SLC17A1: variants seen among roughly 807,000 people sequenced by gnomAD.
SLC17A1 encodes solute carrier family 17 member 1.
A neutral mutation model predicts 53.5 loss-of-function variants in SLC17A1; 51 were observed. That is an observed-to-expected ratio of 0.95 (90% CI 0.76 to 1.20). The LOEUF (loss-of-function observed/expected upper bound fraction) is 1.20, where lower values mean the gene tolerates loss of function less well. Among genes scored for constraint, SLC17A1 ranks in the 50% most tolerant of loss-of-function variants. The pLI, the probability that SLC17A1 is intolerant of heterozygous loss-of-function variation, is 0.00. For synonymous variants in SLC17A1, 179 were observed against 198.8 expected, an observed-to-expected ratio of 0.90 and a Z score of 0.84; for missense variants, 538 against 568.2, an observed-to-expected ratio of 0.95 and a Z score of 0.54.
At chr6:25,771,349 G>A in the SLC17A1 span, among the ~76,000 whole-genome samples, 4 of 152,258 alleles carry the variant, frequency 2.6e-5, no homozygotes, top group South Asian at 8.3e-4. Flanking sequence ...TGAGGCAGGT[G>A]GATCACATGA....
the SLC17A1 span, among the ~76,000 whole-genome samples, chr6:25,741,415 CAA>C: frequency 0.31 from 25,469 of 82,574 alleles, 3,710 homozygotes; most frequent in East Asian, 0.67. Context: ...ACTAAGAATC[CAA>C]AAAAAAAAAA....
At chr6:25,730,927 A>G in the SLC17A1 span, among the ~76,000 whole-genome samples, 37 of 152,332 alleles carry the variant, frequency 2.4e-4, no homozygotes, top group Middle Eastern at 3.4e-3. Flanking sequence ...TAAAATTACC[A>G]TATCTTGAGA....
At chr6:25,727,052 G>A in the SLC17A1 span, 1 of 1,614,242 alleles carries the variant, frequency 6.2e-7, no homozygotes, top group Non-Finnish European at 8.5e-7. Context: ...AAGTGCTAAA[G>A]CAGGTCCATC....
At position 25,829,716 on chromosome 6, in the gene SLC17A1, G is replaced by A. The variant is rs12525203; in HGVS notation, c.34+808C>T. Among the ~76,000 whole-genome samples the A allele has an allele frequency of 5.1e-3, 778 of 152,116 alleles. 25 individuals are homozygous for A. Among genetic ancestry groups the A allele is most frequent in the East Asian group, 0.037 (191 of 5,168 alleles). On this transcript the variant is annotated intron_variant, in intron 2 of 12. Coordinates refer to ENST00000244527, the MANE Select transcript of SLC17A1 (RefSeq NM_005074.5). ...TTTGGGATTGAGTAATAAGAATACC[G>A]CATATCAAACTCATGGACAGAGTAA...
chr6:25,779,096 G>A (rs1471361235), downstream of SLC17A1: 2 of 1,613,786 alleles, frequency 1.2e-6, no homozygotes, highest in Non-Finnish European at 1.7e-6. Flanking sequence ...GCTTTCAGCT[G>A]CTGTTAACAT....
chr6:25,785,634 A>T (rs533865453), intron 12 of SLC17A1, among the ~76,000 whole-genome samples: 1 of 152,176 alleles, frequency 6.6e-6, no homozygotes, highest in African/African-American at 2.4e-5. Context: ...ATAACCCAAC[A>T]TCAAAAGACA....
At chr6:25,814,544 G>A (rs1252786414) in intron 6 of SLC17A1, among the ~76,000 whole-genome samples, 1 of 152,146 alleles carries the variant, frequency 6.6e-6, no homozygotes, top group East Asian at 1.9e-4. Context: ...AGGCTGGGGT[G>A]CTGGAAATAA....
chr6:25,786,583 T>C (rs1041913023), intron 12 of SLC17A1, among the ~76,000 whole-genome samples: 1 of 152,022 alleles, frequency 6.6e-6, no homozygotes, highest in Non-Finnish European at 1.5e-5. Flanking sequence ...AGTGGATCTG[T>C]GATGCCAAGG....
chr6:25,813,086 G>C lies in SLC17A1; in HGVS notation c.735+9C>G. The C allele has an allele frequency of 3.7e-6, 6 of 1,609,952 alleles. No individual in the cohort carries two copies. The highest frequency in any genetic ancestry group is 5.1e-6 in the Non-Finnish European group (6 of 1,176,216). On this transcript the variant is annotated intron_variant, in intron 7 of 12. Coordinates refer to ENST00000244527, the MANE Select transcript of SLC17A1 (RefSeq NM_005074.5). ...CTGGGAGATGCCAATATGGAGAACTGTGTTCTACCTGCTGGACCAGGGAGG... is the reference window on the plus strand; with the variant it reads ...CTGGGAGATGCCAATATGGAGAACTCTGTTCTACCTGCTGGACCAGGGAGG...
At chr6:25,723,911 C>T in the SLC17A1 span, among the ~76,000 whole-genome samples, 1 of 152,160 alleles carries the variant, frequency 6.6e-6, no homozygotes, top group Non-Finnish European at 1.5e-5. Context: ...TATGATTTTT[C>T]TGCCTACCTG....
the SLC17A1 span, among the ~76,000 whole-genome samples, chr6:25,742,135 G>A: frequency 6.6e-6 from 1 of 152,124 alleles, no homozygotes; most frequent in Non-Finnish European, 1.5e-5. Flanking sequence ...AAGCCTCTGG[G>A]CAACCACTCC....
chr6:25,756,023 C>T, the SLC17A1 span, among the ~76,000 whole-genome samples: 1 of 152,284 alleles, frequency 6.6e-6, no homozygotes. Context: ...AGCCCATCCA[C>T]CATCAACACT....
At chr6:25,724,957 T>C in the SLC17A1 span, among the ~76,000 whole-genome samples, 3 of 151,870 alleles carry the variant, frequency 2.0e-5, no homozygotes, top group Non-Finnish European at 4.4e-5. Flanking sequence ...CCTGCTTCTA[T>C]ACATGCCTTA....
At chr6:25,825,330 G>A (rs1341510400) in intron 3 of SLC17A1, among the ~76,000 whole-genome samples, 2 of 151,942 alleles carry the variant, frequency 1.3e-5, no homozygotes, top group African/African-American at 2.4e-5. Context: ...GACAAAAATT[G>A]AAAGACAATA....
downstream of SLC17A1, among the ~76,000 whole-genome samples, chr6:25,781,568 A>C (rs1022014992): frequency 1.3e-5 from 2 of 152,164 alleles, no homozygotes; most frequent in African/African-American, 4.8e-5. Context: ...TGTGATTGTG[A>C]TGGCTGGAAA....
At chr6:25,758,233 A>G in the SLC17A1 span, among the ~76,000 whole-genome samples, 5 of 152,132 alleles carry the variant, frequency 3.3e-5, no homozygotes, top group African/African-American at 7.2e-5. Context: ...AGCTCCTATA[A>G]TTTGACTTGA....
intron 3 of SLC17A1, among the ~76,000 whole-genome samples, chr6:25,824,609 T>C (rs1330431570): frequency 6.6e-6 from 1 of 151,834 alleles, no homozygotes; most frequent in Non-Finnish European, 1.5e-5. Context: ...CATGAAATAG[T>C]ATAGTGTTAT....
downstream of SLC17A1, chr6:25,779,197 A>C (rs1258531454): frequency 1.9e-6 from 3 of 1,613,272 alleles, no homozygotes; most frequent in South Asian, 1.1e-5. Flanking sequence ...GAGCAAACCG[A>C]GAGATGTGCT....
intron 10 of SLC17A1, among the ~76,000 whole-genome samples, chr6:25,808,192 A>G (rs2151488352): frequency 6.6e-6 from 1 of 152,046 alleles, no homozygotes; most frequent in African/African-American, 2.4e-5. Flanking sequence ...CATTGTGCTT[A>G]TGATATGCGT....
Sources: allele counts gnomAD v4.1 joint callset (sites outside exome capture counted in the v4.1 genomes callset), GRCh38; gene constraint gnomAD v4.1.1; transcripts MANE v1.5; gene names NCBI Gene and HGNC (gene_info 2026-07-23, HGNC 2026-07-21).